The following NR1I2 variants were observed in gnomAD, a reference collection of about 807,000 sequenced individuals.
NR1I2 encodes the protein nuclear receptor subfamily 1 group I member 2.
A neutral mutation model predicts 43.3 loss-of-function variants in NR1I2; 42 were observed. The observed-to-expected ratio is 0.97, with a 90% CI of 0.76 to 1.26. The LOEUF (loss-of-function observed/expected upper bound fraction) is 1.26, where lower values mean the gene tolerates loss of function less well. Ranked by LOEUF, NR1I2 falls within the 50% of genes most tolerant of loss-of-function variation. NR1I2 has a pLI of 0.00. For missense variants in NR1I2, 559 were observed against 566.7 expected (o/e 0.99, Z 0.14); for synonymous variants, 229 against 215.0 (o/e 1.06, Z -0.57).
In NR1I2 at chr3:119,803,349, AAGAG is replaced by A. The variant is rs3030842; in HGVS notation, c.-22-3858_-22-3855del. On this transcript the variant is annotated intron_variant, in intron 1 of 8. Coordinates refer to ENST00000393716, the MANE Select transcript of NR1I2 (RefSeq NM_003889.4). ...TCTTTCTTTTTTTTTTCTGTCTCAA[AAGAG>A]AGAGAGAGAGAGAGAGAGAGATAGA... 9.5e-4 allele frequency among the ~76,000 whole-genome samples: 140 copies of A among 147,960 alleles called. 1 individual carries two copies. Among genetic ancestry groups the A allele is most frequent in the African/African-American group, 2.8e-3 (114 of 40,030 alleles).
At chr3:119,809,600 T>TTACCCTCCTGGGGTCAGGTTTCC (rs2055208993) in intron 2 of NR1I2, among the ~76,000 whole-genome samples, 2 of 151,672 alleles carry the variant, frequency 1.3e-5, no homozygotes, top group African/African-American at 4.8e-5. Context: ...CTCTGGTTTC[T>TTACCCTCCTGGGGTCAGGTTTCC]TACCCTCCTG....
chr3:119,810,842 C>T (rs2472681), intron 3 of NR1I2, among the ~76,000 whole-genome samples: 89,721 of 152,000 alleles, frequency 0.59, 28,378 homozygotes, highest in Non-Finnish European at 0.7. Context: ...GGCAGGCATT[C>T]TTGATCTCTC....
chr3:119,783,529 G>A (rs921245263), intron 1 of NR1I2, among the ~76,000 whole-genome samples: 1 of 152,110 alleles, frequency 6.6e-6, no homozygotes, highest in Admixed American at 6.5e-5. Flanking sequence ...GAAAAAGTTT[G>A]CCAACTCCTG....
chr3:119,798,968 G>C (rs2055039955), intron 1 of NR1I2, among the ~76,000 whole-genome samples: 1 of 152,146 alleles, frequency 6.6e-6, no homozygotes. Context: ...ATGTGGGTCG[G>C]GTTTTGGGCT....
At chr3:119,797,141 A>G (rs2107957158) in intron 1 of NR1I2, among the ~76,000 whole-genome samples, 1 of 151,180 alleles carries the variant, frequency 6.6e-6, no homozygotes, top group Admixed American at 6.6e-5. Context: ...TCCCTTTAAT[A>G]GGGGATTTGG....
intron 4 of NR1I2, 84 bp downstream of exon 4, chr3:119,811,810 C>A: frequency 2.3e-6 from 3 of 1,306,974 alleles, no homozygotes; most frequent in Non-Finnish European, 2.2e-6. Context: ...GGATAAGAAA[C>A]TTATACAAGG....
chr3:119,793,087 C>T (rs140535984), intron 1 of NR1I2, among the ~76,000 whole-genome samples: 1 of 152,168 alleles, frequency 6.6e-6, no homozygotes. Flanking sequence ...TGTGACATGC[C>T]GGCTCGCACT....
intron 4 of NR1I2, among the ~76,000 whole-genome samples, chr3:119,812,018 C>G (rs565868318): frequency 4.0e-4 from 61 of 152,278 alleles, no homozygotes; most frequent in African/African-American, 1.4e-3. Flanking sequence ...CCCGGTGATT[C>G]TGTTGCAGGT....
chr3:119,807,367 A>G lies in NR1I2; in HGVS notation c.117A>G (p.Gln39=). Residue 39 remains glutamine, a synonymous_variant, in exon 2 of 9, where the codon CAA becomes CAG. Coordinates refer to ENST00000393716, the MANE Select transcript of NR1I2 (RefSeq NM_003889.4). ...CAGATGAGGAAGTCGGAGGTCCCCA[A>G]ATCTGCCGTGTATGTGGGGACAAGG... 6.2e-7 allele frequency: 1 copy of G among 1,614,166 alleles called. No individual in the cohort carries two copies.
intron 2 of NR1I2, among the ~76,000 whole-genome samples, chr3:119,809,564 G>T (rs1461951659): frequency 1.5e-5 from 2 of 133,334 alleles, no homozygotes; most frequent in Non-Finnish European, 3.3e-5. Flanking sequence ...AAGGCGGGGG[G>T]GAAGGCGGGG....
In NR1I2 at chr3:119,811,525, C is replaced by A; in HGVS notation, c.332-14C>A. On this transcript the variant is annotated splice_polypyrimidine_tract_variant and intron_variant, in intron 3 of 8. Coordinates refer to ENST00000393716, the MANE Select transcript of NR1I2 (RefSeq NM_003889.4). ...GGGGCACGTGTGCCTGAGCCAGCCTCACTGTCCCTGCAGTGATCATGTCCG... is the reference window on the plus strand; with the variant it reads ...GGGGCACGTGTGCCTGAGCCAGCCTAACTGTCCCTGCAGTGATCATGTCCG... The A allele has an allele frequency of 6.2e-7, 1 of 1,601,856 alleles. No individual in the cohort carries two copies. The highest frequency in any genetic ancestry group is 2.2e-5 in the East Asian group (1 of 44,514).
chr3:119,811,558 C>T lies in NR1I2; in HGVS notation c.351C>T (p.Ala117=), dbSNP rs576229324. ...CTGCAGTGATCATGTCCGACGAGGC[C>T]GTGGAGGAGAGGCGGGCCTTGATCA... The change falls in exon 4 of 9, where the codon GCC becomes GCT. Residue 117 remains alanine, a synonymous_variant. Transcript: ENST00000393716. 44 of 1,613,396 alleles carry T rather than the reference C, an allele frequency of 2.7e-5. No individual in the cohort carries two copies. Among genetic ancestry groups the T allele is most frequent in the Admixed American group, 2.0e-4 (12 of 59,920 alleles).
chr3:119,816,616 T>C (rs543377946), intron 8 of NR1I2, among the ~76,000 whole-genome samples: 1 of 151,160 alleles, frequency 6.6e-6, no homozygotes, highest in Non-Finnish European at 1.5e-5. Context: ...GGGCCAGGAG[T>C]TCAAAACCAG....
intron 1 of NR1I2, among the ~76,000 whole-genome samples, chr3:119,785,965 C>T (rs2054837513): frequency 6.6e-6 from 1 of 152,164 alleles, no homozygotes; most frequent in African/African-American, 2.4e-5. Flanking sequence ...GTGAAGCTCT[C>T]TTCTATTCCT....
rs2055264639 is a variant in NR1I2, at chr3:119,812,874, C to T, written c.708C>T (p.Ile236=). Residue 236 remains isoleucine (I), a synonymous_variant, in exon 5 of 9, where the codon ATC becomes ATT. Coordinates refer to ENST00000393716, the MANE Select transcript of NR1I2 (RefSeq NM_003889.4). Reference sequence around the variant, plus strand: ...CAGCCGACAGTGGCGGGAAAGAGATCTTCTCCCTGCTGCCCCACATGGCTG... The same window carrying T: ...CAGCCGACAGTGGCGGGAAAGAGATTTTCTCCCTGCTGCCCCACATGGCTG... The T allele has an allele frequency of 1.9e-6, 3 of 1,613,450 alleles. No homozygotes were observed. Among genetic ancestry groups the T allele is most frequent in the Non-Finnish European group, 2.5e-6 (3 of 1,179,366 alleles).
chr3:119,805,765 G>A (rs1047127816), intron 1 of NR1I2, among the ~76,000 whole-genome samples: 1 of 146,048 alleles, frequency 6.8e-6, no homozygotes, highest in Non-Finnish European at 1.5e-5. Flanking sequence ...TCTGTTGGGT[G>A]TCTGGGAGAA....
chr3:119,808,146 TG>T (rs996560031), intron 2 of NR1I2, among the ~76,000 whole-genome samples: 1 of 152,186 alleles, frequency 6.6e-6, no homozygotes, highest in Non-Finnish European at 1.5e-5. Flanking sequence ...TGTCGCCAAT[TG>T]GTTTGGCAAT....
intron 1 of NR1I2, among the ~76,000 whole-genome samples, chr3:119,797,549 C>T (rs2055018153): frequency 6.6e-6 from 1 of 152,106 alleles, no homozygotes; most frequent in African/African-American, 2.4e-5. Flanking sequence ...ATAATTCCAA[C>T]CCCAAATTCA....
rs201179068 is a variant in NR1I2 at position 119,815,065 on chromosome 3, C to T, written c.881C>T (p.Ala294Val). 2.3e-5 allele frequency: 37 copies of T among 1,614,122 alleles called. No individual in the cohort carries two copies. The highest frequency in any genetic ancestry group is 3.3e-4 in the Middle Eastern group (2 of 6,062). Residue 294 changes from alanine (A) to valine (V), a missense_variant, in exon 6 of 9, where the codon GCG becomes GTG. Transcript: ENST00000393716. ...CTGAGATTCAACACAGTGTTCAACG[C>T]GGAGACTGGAACCTGGGAGTGTGGC...
Sources: gnomAD v4.1 joint callset for allele counts (sites outside exome capture counted in the v4.1 genomes callset) on GRCh38, gnomAD v4.1.1 for gene constraint, MANE v1.5 for transcripts, NCBI Gene and HGNC (gene_info 2026-07-23, HGNC 2026-07-21) for gene names.